Variants in FMNL3 observed in about 807,000 individuals in gnomAD.
FMNL3 encodes formin like 3.
Under a neutral mutation model 119.6 loss-of-function variants are expected in FMNL3, and 57 were observed. The ratio of observed to expected loss-of-function variants is 0.48; its 90% CI spans 0.39 to 0.59. FMNL3 has a LOEUF of 0.59. Among genes scored for constraint, FMNL3 ranks in the 20% least tolerant of loss-of-function variants. The pLI is 0.00. For missense variants in FMNL3, 1,053 were observed against 1,323.5 expected, an observed-to-expected ratio of 0.80 and a Z score of 3.17; for synonymous variants, 491 against 507.3, an observed-to-expected ratio of 0.97 and a Z score of 0.43.
At chr12:49,679,806 C>A (rs1944290390) in intron 1 of FMNL3, among the ~76,000 whole-genome samples, 1 of 152,172 alleles carries the variant, frequency 6.6e-6, no homozygotes, top group African/African-American at 2.4e-5. Flanking sequence ...CAGGCGTAAG[C>A]CACCACACCC....
rs560424980 is a variant in FMNL3 at position 49,636,923 on chromosome 12, C to T, written c.*8892G>A. 6.2e-7 allele frequency: 1 copy of T among 1,600,552 alleles called. No individual in the cohort carries two copies. Among genetic ancestry groups the T allele is most frequent in the African/African-American group, 1.3e-5 (1 of 74,836 alleles). On this transcript the variant is annotated 3_prime_UTR_variant, in exon 26 of 26. Transcript: ENST00000335154. The stretch of plus-strand genomic sequence containing the variant: ...ACAACCTCTTCACCCATTCCCTGCC[C>T]CCTTCTGGATACGCTGCCTGTTCTT...
At position 49,645,262 on chromosome 12, in the gene FMNL3, G is replaced by C. The variant is rs1054412845; in HGVS notation, c.*553C>G. On this transcript the variant is annotated 3_prime_UTR_variant, in exon 26 of 26. Transcript: ENST00000335154. ...GACAGTGTGAGCCTAGAATGAAATG[G>C]GCAGAGAAATAAGGGCAGTGAGCCT... is the stretch of plus-strand genomic sequence containing the variant. 6.6e-5 allele frequency: 10 copies of C among 152,316 alleles called. No individual in the cohort carries two copies. Among genetic ancestry groups the C allele is most frequent in the African/African-American group, 2.4e-4 (10 of 41,406 alleles). The allele number at this position is 152,316 out of a possible 1,614,324, so 9.4% of individuals were successfully genotyped here.
At chr12:49,692,520 T>C (rs1349182339) in intron 1 of FMNL3, among the ~76,000 whole-genome samples, 1 of 152,086 alleles carries the variant, frequency 6.6e-6, no homozygotes, top group African/African-American at 2.4e-5. Flanking sequence ...AGTTAATAGG[T>C]TGGTGTTTAT....
chr12:49,646,552 G>T, intron 25 of FMNL3: 1 of 1,068,910 alleles, frequency 9.4e-7, no homozygotes, highest in Non-Finnish European at 1.3e-6. Flanking sequence ...GTGATTGCAA[G>T]TCATGCAGGA....
In FMNL3 at chr12:49,666,167, T is replaced by G. The variant is rs1374251228; in HGVS notation, c.251A>C (p.Gln84Pro). Reference protein sequence around the residue: ...QVKNPPHTYIQKLQSFLDPSV... With the variant: ...QVKNPPHTYIPKLQSFLDPSV... The stretch of plus-strand genomic sequence containing the variant: ...GGGGTCCAAGAAGCTCTGGAGTTTC[T>G]GAATGTAAGTGTGGGGAGGATTCTT... The change falls in exon 3 of 26, where the codon CAG becomes CCG. Residue 84 changes from glutamine (Q) to proline (P), a missense_variant. Coordinates refer to ENST00000335154, the MANE Select transcript of FMNL3 (RefSeq NM_175736.5). The G allele has an allele frequency of 1.2e-6, 2 of 1,614,000 alleles. No individual in the cohort carries two copies. Among genetic ancestry groups the G allele is most frequent in the African/African-American group, 2.7e-5 (2 of 74,926 alleles).
At position 49,656,392 on chromosome 12, in the gene FMNL3, G is replaced by A. The variant is rs145007366; in HGVS notation, c.885+12C>T. 1.1e-5 allele frequency: 18 copies of A among 1,611,756 alleles called. No homozygotes were observed. The highest frequency in any genetic ancestry group is 1.1e-5 in the Non-Finnish European group (13 of 1,178,394). ...AAACACACACACACACACGCGAAGC[G>A]AAAAGACTGACCTCTTTGAAATTGT... On this transcript the variant is annotated intron_variant, in intron 9 of 25. Coordinates refer to ENST00000335154, the MANE Select transcript of FMNL3 (RefSeq NM_175736.5).
Position 49,650,785 on chromosome 12 carries a change from T to C in FMNL3, c.1891A>G (p.Lys631Glu), listed in dbSNP as rs762311430. ...LICSKNKTAQ[K>E]AASKVTLLEA... ...AACAGAGTCACCTTGCTGGCAGCTT[T>C]TTGCGCTGTCTTGTTTTTGGAGCAG... Residue 631 changes from lysine (K) to glutamate (E), a missense_variant, in exon 17 of 26, where the codon AAA becomes GAA. Around this residue, in one of 4 missense-constraint regions of FMNL3, gnomAD observed 445 missense variants for 628.4 expected, o/e 0.71. Transcript: ENST00000335154. The C allele has an allele frequency of 2.5e-6, 4 of 1,614,190 alleles. No individual in the cohort carries two copies. In the South Asian group the frequency reaches 4.4e-5, roughly 18 times the overall value.
At position 49,647,214 on chromosome 12, in the gene FMNL3, A is replaced by G; in HGVS notation, c.2871+62T>C. ...AGTTTTCATCTCCTCTAGCCTTCTGACCCCCAGCCCCCACTCTTTTGCCTT... is the reference window on the plus strand; with the variant it reads ...AGTTTTCATCTCCTCTAGCCTTCTGGCCCCCAGCCCCCACTCTTTTGCCTT... On this transcript the variant is annotated intron_variant, in intron 24 of 25. Coordinates refer to ENST00000335154, the MANE Select transcript of FMNL3 (RefSeq NM_175736.5). The surrounding 1 kb of genome is among the most constrained non-coding windows in gnomAD (Gnocchi z 4.9). 1 of 1,596,102 alleles carries G rather than the reference A, an allele frequency of 6.3e-7. No individual in the cohort carries two copies. Among genetic ancestry groups the G allele is most frequent in the Non-Finnish European group, 8.6e-7 (1 of 1,165,786 alleles).
Position 49,637,197 on chromosome 12 carries a change from T to C in FMNL3, c.*8618A>G, listed in dbSNP as rs1037942498. 7.0e-6 allele frequency: 4 copies of C among 575,038 alleles called. No individual in the cohort carries two copies. Among genetic ancestry groups the C allele is most frequent in the Non-Finnish European group, 9.3e-6 (3 of 322,958 alleles). 35.6% of individuals were successfully genotyped at this position (575,038 alleles called of 1,614,324 possible). On this transcript the variant is annotated 3_prime_UTR_variant, in exon 26 of 26. Transcript: ENST00000335154. Reference sequence around the variant, plus strand: ...GGGGTGGCAGTGGTGGTGGTAGTGCTAGGGGTTACTGCAGGCAGGTTTCTG... The same window carrying C: ...GGGGTGGCAGTGGTGGTGGTAGTGCCAGGGGTTACTGCAGGCAGGTTTCTG...
intron 12 of FMNL3, among the ~76,000 whole-genome samples, 190 bp from the exon 13 acceptor site, chr12:49,653,517 T>C (rs565492841): frequency 2.0e-5 from 3 of 152,324 alleles, no homozygotes; most frequent in Admixed American, 2.0e-4. Context: ...TCAAGACCAA[T>C]GCCACCTCAT....
At position 49,662,293 on chromosome 12, in the gene FMNL3, G is replaced by C. The variant is rs373343320; in HGVS notation, c.369-244C>G. 1.2e-3 allele frequency among the ~76,000 whole-genome samples: 182 copies of C among 152,318 alleles called. 1 individual carries two copies. The highest frequency in any genetic ancestry group is 4.1e-3 in the African/African-American group (172 of 41,560). ...CTTGCTTTATCGTGAAGGTGCTTCA[G>C]ACAAACAAGCTCTCAGGTACTCCCT... On this transcript the variant is annotated intron_variant, in intron 4 of 25. Coordinates refer to ENST00000335154, the MANE Select transcript of FMNL3 (RefSeq NM_175736.5).
At position 49,647,102 on chromosome 12, in the gene FMNL3, T is replaced by A; in HGVS notation, c.2872-93A>T. ...AGGTGCAGTCTGAGGATGCCACTGC[T>A]TGTGCACTGCTAGGAATCCCCAAAG... On this transcript the variant is annotated intron_variant, in intron 24 of 25. Transcript: ENST00000335154. The surrounding 1 kb of genome is among the most constrained non-coding windows in gnomAD (Gnocchi z 4.9). The A allele has an allele frequency of 6.3e-7, 1 of 1,590,034 alleles. No homozygotes were observed. Among genetic ancestry groups the A allele is most frequent in the Non-Finnish European group, 8.6e-7 (1 of 1,164,390 alleles).
chr12:49,692,571 T>C (rs1035523311), intron 1 of FMNL3, among the ~76,000 whole-genome samples: 29 of 152,184 alleles, frequency 1.9e-4, no homozygotes, highest in Admixed American at 1.6e-3. Context: ...TACAACCATA[T>C]ATGGTTTTTA....
Position 49,636,563 on chromosome 12 carries a change from G to A in FMNL3, c.*9252C>T. The A allele has an allele frequency of 4.8e-6, 4 of 838,574 alleles. No individual in the cohort carries two copies. Among genetic ancestry groups the A allele is most frequent in the Non-Finnish European group, 7.5e-6 (4 of 535,510 alleles). 51.9% of individuals were successfully genotyped at this position (838,574 alleles called of 1,614,324 possible). A position where few individuals can be genotyped will look rare whatever the true frequency, so the allele number is the denominator to read the frequency against. ...CCTCTTAAGAACTACCATTGCAGTGGCTGCTCCCACAGAGCCCCCTCCAGG... is the reference window on the plus strand; with the variant it reads ...CCTCTTAAGAACTACCATTGCAGTGACTGCTCCCACAGAGCCCCCTCCAGG... On this transcript the variant is annotated 3_prime_UTR_variant, in exon 26 of 26. Transcript: ENST00000335154.
At position 49,665,878 on chromosome 12, in the gene FMNL3, T is replaced by C; in HGVS notation, c.322A>G (p.Lys108Glu). 1 of 1,614,198 alleles carries C rather than the reference T, an allele frequency of 6.2e-7. No homozygotes were observed. The highest frequency in any genetic ancestry group is 8.5e-7 in the Non-Finnish European group (1 of 1,180,042). The change falls in exon 4 of 26, where the codon AAA becomes GAA. Residue 108 changes from lysine (K) to glutamate (E), a missense_variant. Coordinates refer to ENST00000335154, the MANE Select transcript of FMNL3 (RefSeq NM_175736.5). Reference protein sequence around the residue: ...KFRRRVQESTKVLRELEISLR... With the variant: ...KFRRRVQESTEVLRELEISLR... ...GAGATCTCCAGCTCCCTTAGTACTT[T>C]GGTTGACTCCTGCACCCTCCTCCTG...
rs760119226 is a variant in FMNL3, at chr12:49,656,853, A to G, written c.761T>C (p.Ile254Thr). The change falls in exon 8 of 26, where the codon ATT becomes ACT. Residue 254 changes from isoleucine to threonine, a missense_variant. Coordinates refer to ENST00000335154, the MANE Select transcript of FMNL3 (RefSeq NM_175736.5). ...VMSHPHAVNE[I>T]ALSLNNKNPR... Reference sequence around the variant, plus strand: ...ATTCTTGTTATTGAGGCTAAGTGCAATCTCATTGACAGCATGGGGGTGGGA... The same window carrying G: ...ATTCTTGTTATTGAGGCTAAGTGCAGTCTCATTGACAGCATGGGGGTGGGA... 1 of 1,614,014 alleles carries G rather than the reference A, an allele frequency of 6.2e-7. No homozygotes were observed. Among genetic ancestry groups the G allele is most frequent in the Non-Finnish European group, 8.5e-7 (1 of 1,180,008 alleles).
chr12:49,695,043 G>C (rs1316517833), intron 1 of FMNL3, among the ~76,000 whole-genome samples: 1 of 146,002 alleles, frequency 6.8e-6, no homozygotes. Flanking sequence ...AAAAAAAAAA[G>C]TAAACATTAT....
chr12:49,658,734 G>T, intron 5 of FMNL3, 140 bp from the exon 6 acceptor site: 1 of 1,030,822 alleles, frequency 9.7e-7, no homozygotes, highest in Non-Finnish European at 1.4e-6. Context: ...AGAGAAAGCA[G>T]AACTGGGGAG....
chr12:49,668,619 A>G (rs1428602404), intron 1 of FMNL3, 65 bp from the exon 2 acceptor site: 1 of 1,418,654 alleles, frequency 7.0e-7, no homozygotes, highest in African/African-American at 1.4e-5. Flanking sequence ...GAAAGACTAG[A>G]CTGCCCACAC....
Sources: allele counts gnomAD v4.1 joint callset (sites outside exome capture counted in the v4.1 genomes callset), GRCh38; gene constraint gnomAD v4.1.1; regional missense constraint gnomAD v4.1.1; non-coding constraint Gnocchi (gnomAD v3.1); transcripts MANE v1.5; gene names NCBI Gene and HGNC (gene_info 2026-07-23, HGNC 2026-07-21).